The following THSD4 variants were observed in gnomAD, a reference collection of about 807,000 sequenced individuals.
The protein encoded by THSD4 is thrombospondin type-1 domain-containing protein 4.
A neutral mutation model predicts 119.0 loss-of-function variants in THSD4; 69 were observed. The ratio of observed to expected loss-of-function variants is 0.58; its 90% CI spans 0.48 to 0.71. The LOEUF is 0.71. THSD4 is among the 30% of genes least tolerant of loss of function. The probability of loss-of-function intolerance (pLI) is 0.00; values close to 1 mark genes in which losing one functional copy is unlikely to be tolerated. For synonymous variants in THSD4, 524 were observed against 540.4 expected (o/e 0.97, Z 0.42); for missense variants, 1,393 against 1,391.1 (o/e 1.00, Z -0.02).
chr15:71,369,307 T>G lies in THSD4; in HGVS notation c.1016-42380T>G, dbSNP rs2046010767. On this transcript the variant is annotated intron_variant, in intron 6 of 17. Coordinates refer to ENST00000261862, the MANE Select transcript of THSD4 (RefSeq NM_024817.3). ...CTGCCTGATTGCCCTGGCCAGAACTTCCAACACTATGTTGAATAGGAGTGG... is the reference window on the plus strand; with the variant it reads ...CTGCCTGATTGCCCTGGCCAGAACTGCCAACACTATGTTGAATAGGAGTGG... 4.6e-5 allele frequency among the ~76,000 whole-genome samples: 7 copies of G among 152,306 alleles called. No individual in the cohort carries two copies. In the South Asian group the frequency reaches 1.5e-3, roughly 32 times the overall value.
At chr15:71,142,590 G>T (rs988904754) in intron 2 of THSD4, among the ~76,000 whole-genome samples, 1 of 152,088 alleles carries the variant, frequency 6.6e-6, no homozygotes, top group African/African-American at 2.4e-5. Flanking sequence ...AGGATTTATG[G>T]TTGGCAGCTT....
At chr15:71,183,301 C>G (rs937185426) in intron 3 of THSD4, 14 of 151,724 alleles carry the variant, frequency 9.2e-5, no homozygotes. Flanking sequence ...CAGTTACCTC[C>G]CACTGAGTCC....
At position 71,723,690 on chromosome 15, in the gene THSD4, T is replaced by C. The variant is rs578007583; in HGVS notation, c.1358-4859T>C. On this transcript the variant is annotated intron_variant, in intron 8 of 17. Coordinates refer to ENST00000261862, the MANE Select transcript of THSD4 (RefSeq NM_024817.3). ...GAATTAAATGCCTTGAAGGAAAGTT[T>C]CTTGCATCCCTTAGAGCATGGCAGG... Among the ~76,000 whole-genome samples the C allele has an allele frequency of 8.5e-5, 13 of 152,286 alleles. No homozygotes were observed. In the South Asian group the frequency reaches 2.7e-3, roughly 32 times the overall value.
chr15:71,233,087 G>C (rs1162220233), intron 4 of THSD4, among the ~76,000 whole-genome samples: 1 of 152,238 alleles, frequency 6.6e-6, no homozygotes, highest in Middle Eastern at 3.2e-3. Flanking sequence ...GTATGAGCTT[G>C]ATGCTGGTCT....
intron 7 of THSD4, among the ~76,000 whole-genome samples, chr15:71,470,565 A>G (rs2047562284): frequency 6.6e-6 from 1 of 152,226 alleles, no homozygotes; most frequent in Non-Finnish European, 1.5e-5. Flanking sequence ...AGGTGAGGAA[A>G]CTGACAGAGA....
intron 7 of THSD4, among the ~76,000 whole-genome samples, chr15:71,481,174 C>G (rs1035578395): frequency 6.6e-6 from 1 of 152,094 alleles, no homozygotes; most frequent in Non-Finnish European, 1.5e-5. Context: ...GAAAAATTCT[C>G]ACATTAAATG....
At chr15:71,641,972 C>T (rs975931141) in intron 7 of THSD4, among the ~76,000 whole-genome samples, 1 of 152,048 alleles carries the variant, frequency 6.6e-6, no homozygotes, top group Non-Finnish European at 1.5e-5. Context: ...ATACATAAAA[C>T]CAAATGGAAT....
intron 4 of THSD4, among the ~76,000 whole-genome samples, chr15:71,225,886 CTGTAGA>C (rs1280525316): frequency 6.6e-6 from 1 of 152,092 alleles, no homozygotes; most frequent in Non-Finnish European, 1.5e-5. Flanking sequence ...TGGTTTTTCT[CTGTAGA>C]TGCACTGACA....
At chr15:71,364,802 C>T (rs2045934608) in intron 6 of THSD4, among the ~76,000 whole-genome samples, 1 of 152,120 alleles carries the variant, frequency 6.6e-6, no homozygotes, top group African/African-American at 2.4e-5. Context: ...AAGGGGCACA[C>T]GTTGTGGTCA....
chr15:71,180,171 T>TAAAAAAAAAAAAAAAA (rs61126896), intron 3 of THSD4, among the ~76,000 whole-genome samples: 1 of 141,336 alleles, frequency 7.1e-6, no homozygotes, highest in African/African-American at 2.7e-5. Context: ...AAAAAAAAAA[T>TAAAAAAAAAAAAAAAA]AAAAAAAAAA....
intron 17 of THSD4, among the ~76,000 whole-genome samples, chr15:71,772,333 A>G (rs1427667032): frequency 6.6e-6 from 1 of 152,206 alleles, no homozygotes; most frequent in Non-Finnish European, 1.5e-5. Flanking sequence ...ATGACCCATG[A>G]CTAAAGTTAT....
At chr15:71,641,043 C>T (rs2050849139) in intron 7 of THSD4, among the ~76,000 whole-genome samples, 1 of 151,992 alleles carries the variant, frequency 6.6e-6, no homozygotes, top group African/African-American at 2.4e-5. Context: ...TAGTCTTTCC[C>T]TGAATGACTC....
At chr15:71,437,980 C>T (rs902031367) in intron 7 of THSD4, among the ~76,000 whole-genome samples, 1 of 152,182 alleles carries the variant, frequency 6.6e-6, no homozygotes, top group African/African-American at 2.4e-5. Flanking sequence ...CAGAACTGAA[C>T]CTTCAGGGAC....
chr15:71,211,245 C>G (rs925376648), intron 3 of THSD4, among the ~76,000 whole-genome samples: 1 of 152,136 alleles, frequency 6.6e-6, no homozygotes, highest in African/African-American at 2.4e-5. Context: ...ATTTATTTTC[C>G]TGTTGTATAT....
At chr15:71,139,017 G>T (rs962492236) in intron 1 of THSD4, among the ~76,000 whole-genome samples, 1 of 148,652 alleles carries the variant, frequency 6.7e-6, no homozygotes, top group East Asian at 1.9e-4. Context: ...ATTGCCAAAG[G>T]TCAGCTAGTT....
intron 7 of THSD4, among the ~76,000 whole-genome samples, chr15:71,604,918 AG>A: frequency 6.6e-6 from 1 of 152,314 alleles, no homozygotes; most frequent in East Asian, 1.9e-4. Context: ...AGAAAAATAA[AG>A]CAATAAAGGT....
chr15:71,652,704 A>G (rs1258656572), intron 7 of THSD4, among the ~76,000 whole-genome samples: 1 of 152,218 alleles, frequency 6.6e-6, no homozygotes, highest in East Asian at 1.9e-4. Flanking sequence ...AAGAGCGCCA[A>G]CATTTTCTTC....
Position 71,538,040 on chromosome 15 carries a change from A to G in THSD4, c.1153-122490A>G, listed in dbSNP as rs1434100203. Reference sequence around the variant, plus strand: ...CTTCCAAAGTGCTGGGATTACAGACATGAGCCACCGTGCCCAGCCTATTTG... The same window carrying G: ...CTTCCAAAGTGCTGGGATTACAGACGTGAGCCACCGTGCCCAGCCTATTTG... On this transcript the variant is annotated intron_variant, in intron 7 of 17. Coordinates refer to ENST00000261862, the MANE Select transcript of THSD4 (RefSeq NM_024817.3). Among the ~76,000 whole-genome samples the G allele has an allele frequency of 6.9e-4, 105 of 152,120 alleles. 1 individual carries two copies. Among genetic ancestry groups the G allele is most frequent in the Admixed American group, 6.8e-3 (104 of 15,262 alleles).
rs1246421992 is a variant in THSD4, at chr15:71,781,146, C to T, written c.*3772C>T. On this transcript the variant is annotated 3_prime_UTR_variant, in exon 18 of 18. Coordinates refer to ENST00000261862, the MANE Select transcript of THSD4 (RefSeq NM_024817.3). ...TAATATGGTTTACATGGGAAAATAT[C>T]GATGGCTTCCTCACAAAATGTATGG... 5.6e-5 allele frequency: 10 copies of T among 179,240 alleles called. No homozygotes were observed. The highest frequency in any genetic ancestry group is 1.9e-4 in the African/African-American group (8 of 42,668). The allele number at this position is 179,240 out of a possible 1,614,324, so 11.1% of individuals were successfully genotyped here.
Sources: gnomAD v4.1 joint callset for allele counts (sites outside exome capture counted in the v4.1 genomes callset) on GRCh38, gnomAD v4.1.1 for gene constraint, MANE v1.5 for transcripts, NCBI Gene and HGNC (gene_info 2026-07-23, HGNC 2026-07-21) for gene names.